The following TENM3 variants were observed in gnomAD, a reference collection of about 807,000 sequenced individuals.
TENM3 encodes the protein teneurin transmembrane protein 3.
TENM3 carries 63 observed loss-of-function variants against 255.1 expected under a neutral mutation model. The ratio of observed to expected loss-of-function variants is 0.25; its 90% CI spans 0.20 to 0.30. The LOEUF is 0.30. TENM3 is among the 10% of genes least tolerant of loss of function. TENM3 has a pLI of 1.00. For missense variants in TENM3, 2,929 were observed against 3,461.1 expected (o/e 0.85, Z 3.86); for synonymous variants, 1,306 against 1,322.3 (o/e 0.99, Z 0.27).
At chr4:182,214,832 A>C (rs1346635849) in intron 1 of TENM3, among the ~76,000 whole-genome samples, 5 of 152,198 alleles carry the variant, frequency 3.3e-5, no homozygotes, top group African/African-American at 1.2e-4. Flanking sequence ...ACTAAGGAGC[A>C]TTCTTTTTTT....
chr4:182,219,846 C>T (rs1038323654), intron 1 of TENM3, among the ~76,000 whole-genome samples: 3 of 152,214 alleles, frequency 2.0e-5, no homozygotes. Context: ...TCTGCTTACT[C>T]TCCTAAGGGG....
At chr4:182,242,829 G>A (rs185639389), upstream of TENM3, among the ~76,000 whole-genome samples, 18 of 152,308 alleles carry the variant, frequency 1.2e-4, no homozygotes, top group Non-Finnish European at 1.8e-4. Context: ...TCTTCCTACC[G>A]TGGTGGTTCA....
chr4:182,649,121 A>T (rs566461750), intron 5 of TENM3, among the ~76,000 whole-genome samples: 1 of 151,088 alleles, frequency 6.6e-6, no homozygotes, highest in Non-Finnish European at 1.5e-5. Context: ...TGCACTGGGG[A>T]CTTCACCACC....
intron 18 of TENM3, among the ~76,000 whole-genome samples, chr4:182,739,506 C>T (rs1201580645): frequency 2.0e-5 from 3 of 152,154 alleles, no homozygotes; most frequent in Non-Finnish European, 4.4e-5. Flanking sequence ...AAGTCACAGT[C>T]TCAGCAAAAT....
the TENM3 span, among the ~76,000 whole-genome samples, chr4:182,021,606 A>G: frequency 1.3e-5 from 2 of 152,290 alleles, no homozygotes; most frequent in African/African-American, 4.8e-5. Flanking sequence ...ATATTTGTCC[A>G]TTGGTTTAAA....
chr4:181,753,930 G>C, the TENM3 span, among the ~76,000 whole-genome samples: 10 of 152,234 alleles, frequency 6.6e-5, no homozygotes, highest in South Asian at 2.1e-4. Flanking sequence ...GGCAACACTG[G>C]GGGGAGTTAA....
the TENM3 span, among the ~76,000 whole-genome samples, chr4:181,767,208 T>C: frequency 2.2e-4 from 29 of 133,498 alleles, no homozygotes; most frequent in East Asian, 2.6e-3. Context: ...GCCGAGAAGG[T>C]GCCACTGCGC....
the TENM3 span, among the ~76,000 whole-genome samples, chr4:181,985,472 G>A: frequency 5.9e-5 from 9 of 152,070 alleles, no homozygotes; most frequent in African/African-American, 1.4e-4. Context: ...TCTTGGTTTT[G>A]TGAATGAGGG....
chr4:181,675,688 C>T, the TENM3 span, among the ~76,000 whole-genome samples: 1 of 152,088 alleles, frequency 6.6e-6, no homozygotes, highest in Non-Finnish European at 1.5e-5. Flanking sequence ...GGTAGAAAGC[C>T]TGATTTTCAT....
chr4:182,306,350 C>G (rs935900288), intron 1 of TENM3, among the ~76,000 whole-genome samples: 13 of 152,032 alleles, frequency 8.6e-5, no homozygotes, highest in Non-Finnish European at 1.9e-4. Context: ...GCCACCATGT[C>G]CAGCCTGAAA....
At chr4:182,333,120 C>A (rs190881058) in intron 2 of TENM3, among the ~76,000 whole-genome samples, 1 of 152,266 alleles carries the variant, frequency 6.6e-6, no homozygotes, top group African/African-American at 2.4e-5. Flanking sequence ...TTTTGCATAA[C>A]CTTCAAAGTA....
chr4:181,946,413 CT>C, the TENM3 span, among the ~76,000 whole-genome samples: 59 of 152,316 alleles, frequency 3.9e-4, no homozygotes, highest in African/African-American at 1.4e-3. Flanking sequence ...ATCCACTCAT[CT>C]TTCAAGACGT....
chr4:182,194,150 T>G (rs1020287204), intron 1 of TENM3, among the ~76,000 whole-genome samples: 2 of 152,270 alleles, frequency 1.3e-5, no homozygotes, highest in African/African-American at 4.8e-5. Context: ...CCTGGTGTAC[T>G]TCACCAGTTT....
the TENM3 span, among the ~76,000 whole-genome samples, chr4:181,747,057 T>G: frequency 3.9e-5 from 6 of 152,106 alleles, no homozygotes; most frequent in Non-Finnish European, 7.4e-5. Context: ...CAAGGGCAAG[T>G]GCGTTTAAAA....
chr4:181,719,545 C>T, the TENM3 span, among the ~76,000 whole-genome samples: 621 of 152,292 alleles, frequency 4.1e-3, 3 homozygotes, highest in African/African-American at 0.013. Context: ...ACGGTGGAAG[C>T]GCAAAAGGGC....
chr4:181,780,573 C>A, the TENM3 span, among the ~76,000 whole-genome samples: 1 of 152,154 alleles, frequency 6.6e-6, no homozygotes, highest in South Asian at 2.1e-4. Context: ...AAATTTTCTC[C>A]CATTCTGTAG....
the TENM3 span, among the ~76,000 whole-genome samples, chr4:182,113,372 G>A: frequency 6.6e-6 from 1 of 152,162 alleles, no homozygotes; most frequent in African/African-American, 2.4e-5. Context: ...GAAGGGGAAA[G>A]GAGGTATCAC....
chr4:181,714,314 T>C, the TENM3 span, among the ~76,000 whole-genome samples: 152,281 of 152,294 alleles, frequency 1, 76,134 homozygotes, highest in Middle Eastern at 1. Flanking sequence ...TGGTGGCACA[T>C]GCCTGTAGTC....
intron 1 of TENM3, among the ~76,000 whole-genome samples, chr4:182,176,736 C>T (rs1430642795): frequency 6.6e-6 from 1 of 151,248 alleles, no homozygotes; most frequent in Non-Finnish European, 1.5e-5. Context: ...GGCGTGATCT[C>T]GGCTCACTGC....
Sources: allele counts gnomAD v4.1 joint callset (sites outside exome capture counted in the v4.1 genomes callset), GRCh38; gene constraint gnomAD v4.1.1; transcripts MANE v1.5; gene names NCBI Gene and HGNC (gene_info 2026-07-23, HGNC 2026-07-21).